ADAMTS18: variants seen among roughly 807,000 people sequenced by gnomAD.
ADAMTS18 encodes A disintegrin and metalloproteinase with thrombospondin motifs 18.
In ADAMTS18, 157 loss-of-function variants were observed where a neutral mutation model predicts 165.9. That is an observed-to-expected ratio of 0.95 (90% CI 0.83 to 1.08). ADAMTS18 has a LOEUF of 1.08. Among genes scored for constraint, ADAMTS18 ranks in the 50% least tolerant of loss-of-function variants. The pLI, the probability that ADAMTS18 is intolerant of heterozygous loss-of-function variation, is 0.00. For missense variants in ADAMTS18, 2,040 were observed against 1,534.0 expected, an observed-to-expected ratio of 1.33 and a Z score of -5.51; for synonymous variants, 782 against 578.2, an observed-to-expected ratio of 1.35 and a Z score of -5.06.
intron 12 of ADAMTS18, among the ~76,000 whole-genome samples, chr16:77,328,120 G>A (rs572950379): frequency 3.1e-4 from 47 of 152,180 alleles, no homozygotes; most frequent in African/African-American, 1.1e-3. Context: ...AAATAATGAC[G>A]ATGTAAAGGC....
intron 2 of ADAMTS18, among the ~76,000 whole-genome samples, chr16:77,433,084 A>G (rs1264587103): frequency 6.6e-6 from 1 of 152,110 alleles, no homozygotes; most frequent in Non-Finnish European, 1.5e-5. Context: ...GACATACAAT[A>G]TTTTTCTTCT....
chr16:77,414,705 C>G (rs1365113186), intron 3 of ADAMTS18, among the ~76,000 whole-genome samples: 1 of 152,122 alleles, frequency 6.6e-6, no homozygotes, highest in Non-Finnish European at 1.5e-5. Context: ...AAATAAAGAT[C>G]TACTGCATAC....
rs145637224 is a variant in ADAMTS18 at position 77,291,244 on chromosome 16, T to TC, written c.3402+21dup. On this transcript the variant is annotated intron_variant, in intron 21 of 22. Coordinates refer to ENST00000282849, the MANE Select transcript of ADAMTS18 (RefSeq NM_199355.4). The stretch of plus-strand genomic sequence containing the variant: ...TCGACATCTCACTTGAATAGACACC[T>TC]CCTCAATCGGCCTGTACCCACCTGC... 4,182 of 1,612,868 alleles carry TC rather than the reference T, an allele frequency of 2.6e-3. 104 individuals carry two copies. In the African/African-American group the frequency reaches 0.051, roughly 20 times the overall value.
rs752736156 is a variant in ADAMTS18, at chr16:77,291,509, A to C, written c.3190-31T>G. The C allele has an allele frequency of 6.2e-6, 10 of 1,605,204 alleles. No homozygotes were observed. The East Asian group carries it at 2.0e-4, about 32-fold the overall frequency. On this transcript the variant is annotated intron_variant, in intron 20 of 22. Coordinates refer to ENST00000282849, the MANE Select transcript of ADAMTS18 (RefSeq NM_199355.4). ...AGCCAAGACAGGATGTGTAAAAGTG[A>C]AGACTGCCAGGATCACATCTTCTGG...
Position 77,309,299 on chromosome 16 carries a change from A to G in ADAMTS18, c.2533-8895T>C, listed in dbSNP as rs148076582. Among the ~76,000 whole-genome samples the G allele has an allele frequency of 5.6e-3, 849 of 152,146 alleles. 17 individuals carry two copies. Among genetic ancestry groups the G allele is most frequent in the East Asian group, 0.046 (237 of 5,184 alleles). ...TTTTCTCCAAGTCACTTATATGCAT[A>G]TATGTGTACGTATTTCAAGATCAAA... On this transcript the variant is annotated intron_variant, in intron 16 of 22. Transcript: ENST00000282849.
At chr16:77,384,784 C>T (rs577481991) in intron 3 of ADAMTS18, among the ~76,000 whole-genome samples, 2 of 152,176 alleles carry the variant, frequency 1.3e-5, no homozygotes, top group African/African-American at 4.8e-5. Flanking sequence ...TATCTAACAT[C>T]CAGTTCATCA....
intron 3 of ADAMTS18, among the ~76,000 whole-genome samples, chr16:77,384,199 A>C (rs1370785623): frequency 6.6e-6 from 1 of 152,202 alleles, no homozygotes; most frequent in East Asian, 1.9e-4. Context: ...AAAACAAGCA[A>C]GACTTCAACG....
chr16:77,420,693 T>C (rs970642837), intron 3 of ADAMTS18, among the ~76,000 whole-genome samples: 3 of 152,236 alleles, frequency 2.0e-5, no homozygotes, highest in African/African-American at 7.2e-5. Context: ...GATGTAGAGA[T>C]ATTCATTAGC....
chr16:77,335,520 T>A (rs116871993), intron 12 of ADAMTS18, among the ~76,000 whole-genome samples: 1,876 of 152,188 alleles, frequency 0.012, 25 homozygotes, highest in Non-Finnish European at 0.019. Context: ...GGAATTTTTT[T>A]AATAAAGAAA....
At chr16:77,328,337 T>A (rs1265330682) in intron 12 of ADAMTS18, among the ~76,000 whole-genome samples, 1 of 152,150 alleles carries the variant, frequency 6.6e-6, no homozygotes, top group Non-Finnish European at 1.5e-5. Flanking sequence ...TTGTATAACA[T>A]GAAAGGCGGC....
intron 3 of ADAMTS18, among the ~76,000 whole-genome samples, chr16:77,385,063 C>G (rs185260314): frequency 1.3e-5 from 2 of 152,156 alleles, no homozygotes; most frequent in Non-Finnish European, 2.9e-5. Flanking sequence ...CGTGCACCAC[C>G]ATGCCTGTCT....
chr16:77,358,013 G>C (rs1290150535), intron 8 of ADAMTS18, among the ~76,000 whole-genome samples: 1 of 152,184 alleles, frequency 6.6e-6, no homozygotes, highest in African/African-American at 2.4e-5. Flanking sequence ...TGTTCGGTTG[G>C]ACTTCATGCT....
chr16:77,306,238 T>A (rs1049829100), intron 16 of ADAMTS18, among the ~76,000 whole-genome samples: 5 of 152,172 alleles, frequency 3.3e-5, no homozygotes, highest in Admixed American at 2.6e-4. Context: ...TCCATAGAGA[T>A]GTTTAATGTC....
chr16:77,367,395 T>C lies in ADAMTS18; in HGVS notation c.778+46A>G, dbSNP rs11643170. On this transcript the variant is annotated intron_variant, in intron 4 of 22. Transcript: ENST00000282849. ...ACCCAACAGCACTCAGGAAAACCTGTCGAGGCCCACATAAGAACAGAAAAA... is the reference window on the plus strand; with the variant it reads ...ACCCAACAGCACTCAGGAAAACCTGCCGAGGCCCACATAAGAACAGAAAAA... 8,466 of 1,611,990 alleles carry C rather than the reference T, an allele frequency of 5.3e-3. 28 individuals carry two copies. Among genetic ancestry groups the C allele is most frequent in the Non-Finnish European group, 6.4e-3 (7,504 of 1,179,378 alleles).
chr16:77,395,157 T>G (rs1191451085), intron 3 of ADAMTS18, among the ~76,000 whole-genome samples: 1 of 152,144 alleles, frequency 6.6e-6, no homozygotes, highest in Admixed American at 6.5e-5. Context: ...GAAATTCACA[T>G]TTGGGGAAAC....
intron 8 of ADAMTS18, 116 bp from the exon 9 acceptor site, chr16:77,356,193 T>C: frequency 7.2e-7 from 1 of 1,385,304 alleles, no homozygotes; most frequent in Non-Finnish European, 1.0e-6. Context: ...GAGACAGAGT[T>C]ATTAAAACTG....
chr16:77,423,468 A>T (rs565975638), intron 3 of ADAMTS18, among the ~76,000 whole-genome samples: 1 of 152,208 alleles, frequency 6.6e-6, no homozygotes, highest in African/African-American at 2.4e-5. Context: ...TAGTAATAAT[A>T]TCATTCTAAC....
chr16:77,432,083 G>C (rs1420016704), intron 2 of ADAMTS18, among the ~76,000 whole-genome samples: 1 of 152,202 alleles, frequency 6.6e-6, no homozygotes, highest in Non-Finnish European at 1.5e-5. Context: ...CATTTTGGCA[G>C]AGGCAGAGTT....
At chr16:77,345,232 A>G (rs2056458708) in intron 10 of ADAMTS18, among the ~76,000 whole-genome samples, 1 of 152,172 alleles carries the variant, frequency 6.6e-6, no homozygotes. Flanking sequence ...AAATTTTATG[A>G]AGCATTACAA....
Sources: allele counts gnomAD v4.1 joint callset (sites outside exome capture counted in the v4.1 genomes callset), GRCh38; gene constraint gnomAD v4.1.1; transcripts MANE v1.5; gene names NCBI Gene and HGNC (gene_info 2026-07-23, HGNC 2026-07-21).